MAPK10: variants seen among roughly 807,000 people sequenced by gnomAD.
The protein encoded by MAPK10 is JNK3 alpha protein kinase.
A neutral mutation model predicts 59.3 loss-of-function variants in MAPK10; 25 were observed. The ratio of observed to expected loss-of-function variants is 0.42; its 90% CI spans 0.31 to 0.59. The LOEUF is 0.59. MAPK10 is among the 20% of genes least tolerant of loss of function. MAPK10 has a pLI of 0.15. For missense variants in MAPK10, 351 were observed against 568.9 expected (o/e 0.62, Z 3.90); for synonymous variants, 190 against 200.5 (o/e 0.95, Z 0.44).
rs1464459677 is a variant in MAPK10 at position 86,154,323 on chromosome 4, A to G, written c.236+4975T>C. On this transcript the variant is annotated intron_variant, in intron 4 of 13. Coordinates refer to ENST00000641462, the MANE Select transcript of MAPK10 (RefSeq NM_138982.4). ...TTAAAAACTAATGTTTACAACTAAC[A>G]TATTGTAAATAATATTGGTTAACTG... 2.6e-5 allele frequency among the ~76,000 whole-genome samples: 4 copies of G among 152,162 alleles called. No homozygotes were observed. The East Asian group carries it at 7.7e-4, about 29-fold the overall frequency.
Position 86,147,207 on chromosome 4 carries a change from C to T in MAPK10, c.236+12091G>A, listed in dbSNP as rs1212276095. Among the ~76,000 whole-genome samples, 10 of 152,062 alleles carry T rather than the reference C, an allele frequency of 6.6e-5. 1 individual carries two copies. The highest frequency in any genetic ancestry group is 1.2e-4 in the Non-Finnish European group (8 of 68,018). On this transcript the variant is annotated intron_variant, in intron 4 of 13. Coordinates refer to ENST00000641462, the MANE Select transcript of MAPK10 (RefSeq NM_138982.4). ...GTACAAGGGATTCTCCCACCTCAGC[C>T]GCAGGAGTCGCTGACACCACAGGCA...
At chr4:86,184,207 T>C (rs1273332548) in intron 3 of MAPK10, among the ~76,000 whole-genome samples, 1 of 152,228 alleles carries the variant, frequency 6.6e-6, no homozygotes, top group East Asian at 1.9e-4. Flanking sequence ...AGACATGAAG[T>C]CCTTGCCCAT....
chr4:86,243,937 T>A (rs1026858944), intron 2 of MAPK10, among the ~76,000 whole-genome samples: 1 of 152,202 alleles, frequency 6.6e-6, no homozygotes, highest in African/African-American at 2.4e-5. Context: ...AAATGTCAGA[T>A]TGTGACTCTT....
chr4:86,435,948 AC>A (rs1368594893), intron 1 of MAPK10, among the ~76,000 whole-genome samples: 3 of 152,226 alleles, frequency 2.0e-5, no homozygotes, highest in African/African-American at 2.4e-5. Context: ...TCAATATCTA[AC>A]CACAAACTTA....
intron 2 of MAPK10, among the ~76,000 whole-genome samples, chr4:86,316,953 C>T (rs2095800294): frequency 6.6e-6 from 1 of 152,078 alleles, no homozygotes; most frequent in African/African-American, 2.4e-5. Context: ...AATTAATACT[C>T]AAAATTTTTT....
At chr4:86,191,751 G>C (rs1224845880) in intron 3 of MAPK10, 2 of 151,018 alleles carry the variant, frequency 1.3e-5, no homozygotes, top group Non-Finnish European at 3.0e-5. Context: ...CTTTTGATTG[G>C]GGCATTTAGC....
intron 4 of MAPK10, among the ~76,000 whole-genome samples, chr4:86,137,510 GA>G (rs1206471027): frequency 7.4e-6 from 1 of 134,904 alleles, no homozygotes; most frequent in Non-Finnish European, 1.5e-5. Flanking sequence ...CAACATACCA[GA>G]ATCTCTGGGA....
rs545835732 is a variant in MAPK10, at chr4:86,385,579, T to C, written c.-121-30935A>G. On this transcript the variant is annotated intron_variant, in intron 1 of 13. Coordinates refer to the MAPK10 transcript ENST00000361569. ...ATCTTTAATATGAACTGATAAAGAA[T>C]GGTTATTTCTGAACATCTATTTGGG... Among the ~76,000 whole-genome samples the C allele has an allele frequency of 1.1e-3, 163 of 152,326 alleles. 2 individuals are homozygous for C. In the South Asian group the frequency reaches 0.032, roughly 30 times the overall value.
intron 13 of MAPK10, chr4:86,028,438 T>A (rs1227435623): frequency 2.0e-5 from 3 of 152,212 alleles, no homozygotes. Flanking sequence ...TATTTCATTC[T>A]ACATCTTTTT....
At chr4:86,042,721 A>ATT (rs1325152279) in intron 11 of MAPK10, among the ~76,000 whole-genome samples, 2 of 152,006 alleles carry the variant, frequency 1.3e-5, no homozygotes, top group African/African-American at 4.8e-5. Flanking sequence ...AAAGTAGGGA[A>ATT]TCAAAGCATA....
At chr4:86,240,315 G>A (rs2092627866) in intron 2 of MAPK10, among the ~76,000 whole-genome samples, 1 of 152,204 alleles carries the variant, frequency 6.6e-6, no homozygotes. Flanking sequence ...TGAGAAGAAT[G>A]TATATTCTGT....
intron 2 of MAPK10, among the ~76,000 whole-genome samples, chr4:86,290,332 C>A (rs1219974963): frequency 6.6e-6 from 1 of 152,212 alleles, no homozygotes; most frequent in Admixed American, 6.5e-5. Context: ...GATCTGACTA[C>A]TGGATTCAGC....
chr4:86,222,705 A>G (rs1024512081), intron 2 of MAPK10, among the ~76,000 whole-genome samples: 1 of 152,230 alleles, frequency 6.6e-6, no homozygotes, highest in African/African-American at 2.4e-5. Context: ...GCCTCTTCCT[A>G]CTGAAGTGGA....
chr4:86,195,401 A>C (rs1357879390), intron 2 of MAPK10, among the ~76,000 whole-genome samples: 1 of 150,920 alleles, frequency 6.6e-6, no homozygotes, highest in Admixed American at 6.6e-5. Flanking sequence ...AAAATACACA[A>C]AACATCTTTC....
At chr4:86,043,883 T>A (rs183701766) in intron 11 of MAPK10, among the ~76,000 whole-genome samples, 46 of 152,278 alleles carry the variant, frequency 3.0e-4, no homozygotes, top group Non-Finnish European at 6.6e-4. Flanking sequence ...AGTATGCAAC[T>A]GAGGCACACA....
intron 1 of MAPK10, among the ~76,000 whole-genome samples, chr4:86,404,257 G>C (rs1294819765): frequency 6.6e-6 from 1 of 151,870 alleles, no homozygotes; most frequent in African/African-American, 2.4e-5. Context: ...ATATTCATCT[G>C]AATGACATGG....
chr4:86,074,913 T>C (rs1328113599), intron 9 of MAPK10, among the ~76,000 whole-genome samples: 1 of 135,274 alleles, frequency 7.4e-6, no homozygotes, highest in Non-Finnish European at 1.6e-5. Context: ...TGGCGTTCTC[T>C]GTATTTCCTG....
At chr4:86,506,170 A>C (rs2149081411) in intron 1 of MAPK10, among the ~76,000 whole-genome samples, 2 of 152,282 alleles carry the variant, frequency 1.3e-5, no homozygotes, top group East Asian at 3.9e-4. Flanking sequence ...GCAGTCGGTC[A>C]TATGAAAATC....
intron 1 of MAPK10, among the ~76,000 whole-genome samples, chr4:86,513,540 T>C (rs943694316): frequency 6.6e-6 from 1 of 152,320 alleles, no homozygotes; most frequent in East Asian, 1.9e-4. Context: ...TATATTCCTC[T>C]GGGAAAGTTG....
Sources: allele counts gnomAD v4.1 joint callset (sites outside exome capture counted in the v4.1 genomes callset), GRCh38; gene constraint gnomAD v4.1.1; transcripts MANE v1.5; gene names NCBI Gene and HGNC (gene_info 2026-07-23, HGNC 2026-07-21).